CFTR: variants seen among roughly 807,000 people sequenced by gnomAD.
CFTR encodes cystic fibrosis transmembrane conductance regulator.
A neutral mutation model predicts 171.6 loss-of-function variants in CFTR; 181 were observed. The observed-to-expected ratio is 1.05, with a 90% CI of 0.93 to 1.19. The LOEUF is 1.19. CFTR is among the 50% of genes most tolerant of loss of function. The pLI, the probability that CFTR is intolerant of heterozygous loss-of-function variation, is 0.00. For missense variants in CFTR, 1,968 were observed against 1,734.7 expected (o/e 1.13, Z -2.39); for synonymous variants, 583 against 608.0 (o/e 0.96, Z 0.60).
At chr7:117,542,612 C>T (rs1408381846) in intron 9 of CFTR, among the ~76,000 whole-genome samples, 1 of 151,846 alleles carries the variant, frequency 6.6e-6, no homozygotes, top group East Asian at 1.9e-4. Context: ...AATATAAAAG[C>T]TTTTTTTATT....
intron 24 of CFTR, among the ~76,000 whole-genome samples, chr7:117,655,050 C>T (rs960197337): frequency 1.3e-5 from 2 of 152,160 alleles, no homozygotes; most frequent in Non-Finnish European, 2.9e-5. Flanking sequence ...CACCTAGTTT[C>T]TGTTGAGATG....
chr7:117,655,492 C>A (rs376019935), intron 24 of CFTR, among the ~76,000 whole-genome samples: 23 of 152,152 alleles, frequency 1.5e-4, no homozygotes, highest in South Asian at 6.2e-4. Flanking sequence ...CTGCTCATGA[C>A]CACTTAGGTA....
chr7:117,543,351 A>G (rs1414299533), intron 9 of CFTR, among the ~76,000 whole-genome samples: 2 of 152,196 alleles, frequency 1.3e-5, no homozygotes, highest in East Asian at 3.8e-4. Context: ...AGGAATTTCA[A>G]GTGTCTTCGT....
At chr7:117,521,869 A>G (rs1344625470) in intron 3 of CFTR, among the ~76,000 whole-genome samples, 3 of 152,166 alleles carry the variant, frequency 2.0e-5, no homozygotes, top group Admixed American at 1.3e-4. Context: ...TGGTTTGAAT[A>G]TCTAGAAAAA....
intron 1 of CFTR, among the ~76,000 whole-genome samples, chr7:117,497,635 A>G (rs1798260282): frequency 6.6e-6 from 1 of 152,164 alleles, no homozygotes; most frequent in Admixed American, 6.5e-5. Context: ...GATTTGTAGT[A>G]GGCATCAGGT....
chr7:117,633,107 G>C (rs1440605258), intron 22 of CFTR, among the ~76,000 whole-genome samples: 1 of 152,168 alleles, frequency 6.6e-6, no homozygotes, highest in East Asian at 1.9e-4. Context: ...AGTTGGGAAG[G>C]ACTGACATCT....
chr7:117,566,197 G>A (rs533138062), intron 11 of CFTR, among the ~76,000 whole-genome samples: 5 of 151,880 alleles, frequency 3.3e-5, no homozygotes, highest in South Asian at 4.2e-4. Flanking sequence ...ACTTTGGGAG[G>A]CCGAGGTGGG....
intron 11 of CFTR, among the ~76,000 whole-genome samples, chr7:117,577,396 G>A (rs1791787609): frequency 6.6e-6 from 1 of 152,106 alleles, no homozygotes; most frequent in African/African-American, 2.4e-5. Context: ...CTTGAATGAT[G>A]AACAACTTGA....
chr7:117,594,507 T>C (rs1385003825), intron 14 of CFTR, among the ~76,000 whole-genome samples: 1 of 152,174 alleles, frequency 6.6e-6, no homozygotes, highest in Non-Finnish European at 1.5e-5. Flanking sequence ...TGGAAGACCT[T>C]TATAGCTAGA....
intron 1 of CFTR, among the ~76,000 whole-genome samples, chr7:117,484,451 G>C (rs566309206): frequency 3.4e-4 from 51 of 152,212 alleles, no homozygotes; most frequent in Admixed American, 2.2e-3. Flanking sequence ...GCCCACCTCT[G>C]GGATAGGAGC....
chr7:117,533,202 A>G (rs1584786015), intron 4 of CFTR, among the ~76,000 whole-genome samples: 1 of 152,136 alleles, frequency 6.6e-6, no homozygotes, highest in East Asian at 1.9e-4. Context: ...GTTATGTGCA[A>G]TTTAGCTCAG....
chr7:117,480,206 G>T, intron 1 of CFTR, 59 bp downstream of exon 1: 1 of 1,516,416 alleles, frequency 6.6e-7, no homozygotes. Flanking sequence ...AGGAGGGCGT[G>T]TGTATGGGTT....
chr7:117,591,812 A>G, intron 13 of CFTR, 122 bp from the exon 14 acceptor site: 1 of 612,850 alleles, frequency 1.6e-6, no homozygotes. Context: ...ATCATTTAAA[A>G]TATAATAAAA....
chr7:117,592,426 C>T lies in CFTR; in HGVS notation c.2259C>T (p.Ser753=), dbSNP rs201888075. The T allele has an allele frequency of 3.0e-5, 48 of 1,611,884 alleles. No homozygotes were observed. The highest frequency in any genetic ancestry group is 3.3e-4 in the Middle Eastern group (2 of 6,068). The change falls in exon 14 of 27, where the codon AGC becomes AGT. Residue 753 remains serine, a synonymous_variant. Coordinates refer to ENST00000003084, the MANE Select transcript of CFTR (RefSeq NM_000492.4). ...GAGAGGCGATACTGCCTCGCATCAG[C>T]GTGATCAGCACTGGCCCCACGCTTC... ...EQGEAILPRI[S]VISTGPTLQA... is the part of the protein sequence containing the mutation.
intron 23 of CFTR, among the ~76,000 whole-genome samples, chr7:117,644,861 G>T (rs1792975097): frequency 6.6e-6 from 1 of 152,100 alleles, no homozygotes; most frequent in South Asian, 2.1e-4. Flanking sequence ...GAGACAATGA[G>T]GCTAATCATG....
At position 117,614,637 on chromosome 7, in the gene CFTR, T is replaced by C. The variant is rs1562916038; in HGVS notation, c.3392T>C (p.Ile1131Thr). The change falls in exon 21 of 27, where the codon ATT becomes ACT. Residue 1131 changes from isoleucine (I) to threonine (T), a missense_variant. By Grantham distance (89) the Ile-to-Thr change is moderately conservative. Coordinates refer to ENST00000003084, the MANE Select transcript of CFTR (RefSeq NM_000492.4). ...GGAGAAGGAGAAGGAAGAGTTGGTATTATCCTGACTTTAGCCATGAATATC... is the reference window on the plus strand; with the variant it reads ...GGAGAAGGAGAAGGAAGAGTTGGTACTATCCTGACTTTAGCCATGAATATC... Reference protein sequence around the residue: ...TTGEGEGRVGIILTLAMNIMS... With the variant: ...TTGEGEGRVGTILTLAMNIMS... 1 of 1,611,602 alleles carries C rather than the reference T, an allele frequency of 6.2e-7. No homozygotes were observed. The highest frequency in any genetic ancestry group is 8.5e-7 in the Non-Finnish European group (1 of 1,177,954).
At chr7:117,537,850 C>T (rs964847310) in intron 7 of CFTR, among the ~76,000 whole-genome samples, 4 of 152,124 alleles carry the variant, frequency 2.6e-5, no homozygotes, top group Non-Finnish European at 5.9e-5. Flanking sequence ...TGCTCCATCA[C>T]ACTTGCTGAG....
chr7:117,590,708 T>C (rs937005298), intron 13 of CFTR, among the ~76,000 whole-genome samples: 1 of 152,094 alleles, frequency 6.6e-6, no homozygotes, highest in Non-Finnish European at 1.5e-5. Flanking sequence ...ATGTAGTTTT[T>C]GCAGTATCAT....
chr7:117,614,955 G>T (rs1792462764), intron 21 of CFTR, among the ~76,000 whole-genome samples: 1 of 151,960 alleles, frequency 6.6e-6, no homozygotes, highest in African/African-American at 2.4e-5. Context: ...CCTTATTCAG[G>T]ATTTTCTAGG....
Sources: gnomAD v4.1 joint callset for allele counts (sites outside exome capture counted in the v4.1 genomes callset) on GRCh38, gnomAD v4.1.1 for gene constraint, MANE v1.5 for transcripts, NCBI Gene and HGNC (gene_info 2026-07-23, HGNC 2026-07-21) for gene names.